The following HBP1 variants were observed in gnomAD, a reference collection of about 807,000 sequenced individuals.
HBP1 encodes HMG-box transcription factor 1, also known as HMG box-containing protein 1.
Under a neutral mutation model 62.6 loss-of-function variants are expected in HBP1, and 20 were observed. The observed-to-expected ratio is 0.32, with a 90% CI of 0.22 to 0.46. HBP1 has a LOEUF of 0.46. Among genes scored for constraint, HBP1 ranks in the 20% least tolerant of loss-of-function variants. The pLI is 1.00. For missense variants in HBP1, 480 were observed against 611.8 expected (o/e 0.78, Z 2.27); for synonymous variants, 232 against 206.2 (o/e 1.12, Z -1.07).
intron 1 of HBP1, chr7:107,174,387 G>C (rs999667299): frequency 2.7e-6 from 2 of 754,028 alleles, no homozygotes; most frequent in Non-Finnish European, 3.2e-6. Context: ...GGTTCTTTTG[G>C]TTATTTATAG....
In HBP1 at chr7:107,171,052, T is replaced by TAACATATACATGTATAA. The variant is rs1562881850; in HGVS notation, c.-16+1868_-16+1869insACATATACATGTATAAA. 2.8e-4 allele frequency among the ~76,000 whole-genome samples: 17 copies of TAACATATACATGTATAA among 60,948 alleles called. No homozygotes were observed. In the African/African-American group the frequency reaches 3.0e-3, roughly 11 times the overall value. 40.0% of individuals were successfully genotyped at this position (60,948 alleles called of 152,430 possible). On this transcript the variant is annotated intron_variant, in intron 1 of 10. Transcript: ENST00000222574. ...TATAACATATACATGTATAAATATATATATATATATATATATATATATTTT... is the reference window on the plus strand; with the variant it reads ...TATAACATATACATGTATAAATATATAACATATACATGTATAAATATATATATATATATATATATTTT...
intron 3 of HBP1, among the ~76,000 whole-genome samples, chr7:107,184,640 A>G (rs1244969972): frequency 6.6e-6 from 1 of 152,102 alleles, no homozygotes; most frequent in Non-Finnish European, 1.5e-5. Context: ...CCTCCCGAGT[A>G]GCTGGGACTG....
intron 1 of HBP1, chr7:107,174,669 A>C (rs1796749762): frequency 3.0e-6 from 3 of 984,492 alleles, no homozygotes; most frequent in Admixed American, 1.2e-4. Flanking sequence ...GACCCCAAGA[A>C]CAGCACTGTT....
intron 1 of HBP1, among the ~76,000 whole-genome samples, chr7:107,177,945 G>A (rs1796938518): frequency 6.6e-6 from 1 of 151,816 alleles, no homozygotes; most frequent in Non-Finnish European, 1.5e-5. Flanking sequence ...AAAAGTCTTC[G>A]TAGAAAGAAA....
At chr7:107,179,849 ATCATTTCT>A in intron 1 of HBP1, 22 bp from the exon 2 acceptor site, 1 of 1,489,952 alleles carries the variant, frequency 6.7e-7, no homozygotes, top group Non-Finnish European at 9.3e-7. Context: ...ATGGCTTGAC[ATCATTTCT>A]TAATGTCGTT....
At chr7:107,184,743 C>T (rs1797274678) in intron 3 of HBP1, among the ~76,000 whole-genome samples, 1 of 152,172 alleles carries the variant, frequency 6.6e-6, no homozygotes, top group South Asian at 2.1e-4. Context: ...ATCTCCTGAC[C>T]TCGTGATCCG....
Position 107,169,074 on chromosome 7 carries a change from A to G in HBP1, c.-127A>G, listed in dbSNP as rs1330489123. ...GAGGAGTAAGAGCTGCCGCGGGAGCAGTAACCCGCGCGGGGGAGGCCGACG... is the reference window on the plus strand; with the variant it reads ...GAGGAGTAAGAGCTGCCGCGGGAGCGGTAACCCGCGCGGGGGAGGCCGACG... On this transcript the variant is annotated 5_prime_UTR_variant, in exon 1 of 11. Coordinates refer to ENST00000222574, the MANE Select transcript of HBP1 (RefSeq NM_012257.4). 6 of 1,287,602 alleles carry G rather than the reference A, an allele frequency of 4.7e-6. No individual in the cohort carries two copies. The highest frequency in any genetic ancestry group is 2.3e-5 in the Admixed American group (1 of 43,362). The allele number at this position is 1,287,602 out of a possible 1,614,324, so 79.8% of individuals were successfully genotyped here. A position where few individuals can be genotyped will look rare whatever the true frequency, so the allele number is the denominator to read the frequency against.
In HBP1 at chr7:107,201,603, A is replaced by G; in HGVS notation, c.*172A>G. The G allele has an allele frequency of 2.2e-6, 1 of 451,698 alleles. No homozygotes were observed. Among genetic ancestry groups the G allele is most frequent in the Non-Finnish European group, 4.0e-6 (1 of 247,160 alleles). 28.0% of individuals were successfully genotyped at this position (451,698 alleles called of 1,614,324 possible). ...ATATGAGTGAGGATTTGCTTTCTCCATTAGAGCATTAAGCTAAAACTATCA... is the reference window on the plus strand; with the variant it reads ...ATATGAGTGAGGATTTGCTTTCTCCGTTAGAGCATTAAGCTAAAACTATCA... On this transcript the variant is annotated 3_prime_UTR_variant, in exon 11 of 11. Transcript: ENST00000222574.
chr7:107,169,531 C>T (rs1314507251), intron 1 of HBP1, among the ~76,000 whole-genome samples: 10 of 135,340 alleles, frequency 7.4e-5, no homozygotes, highest in Admixed American at 4.8e-4. Flanking sequence ...GACGCAGCGC[C>T]GGGGCTGCCC....
chr7:107,197,722 AT>A (rs1797992327), intron 9 of HBP1, among the ~76,000 whole-genome samples: 2 of 152,166 alleles, frequency 1.3e-5, no homozygotes, highest in African/African-American at 4.8e-5. Flanking sequence ...TCTGTCAGTC[AT>A]TTGTGTGACT....
intron 1 of HBP1, among the ~76,000 whole-genome samples, chr7:107,171,574 A>G (rs1796597989): frequency 6.6e-6 from 1 of 152,022 alleles, no homozygotes; most frequent in Non-Finnish European, 1.5e-5. Context: ...TATCCATTAG[A>G]AGTTACTACT....
intron 1 of HBP1, among the ~76,000 whole-genome samples, chr7:107,178,962 AG>A (rs1238774848): frequency 2.0e-5 from 3 of 152,202 alleles, no homozygotes; most frequent in Non-Finnish European, 2.9e-5. Flanking sequence ...TGAACCCAGG[AG>A]GCAGAGGTTG....
At chr7:107,198,306 T>C (rs138785079) in intron 9 of HBP1, among the ~76,000 whole-genome samples, 10 of 151,988 alleles carry the variant, frequency 6.6e-5, no homozygotes, top group Admixed American at 2.0e-4. Flanking sequence ...GCCTCCTAGG[T>C]TGAAGTGATT....
At chr7:107,171,088 T>TTTTTTA (rs1796568505) in intron 1 of HBP1, among the ~76,000 whole-genome samples, 2 of 134,222 alleles carry the variant, frequency 1.5e-5, no homozygotes, top group African/African-American at 5.7e-5. Flanking sequence ...TTTTTTTTTT[T>TTTTTTA]GAGAGGGAGT....
At chr7:107,188,248 T>C (rs1797482663) in intron 6 of HBP1, among the ~76,000 whole-genome samples, 1 of 152,206 alleles carries the variant, frequency 6.6e-6, no homozygotes, top group African/African-American at 2.4e-5. Flanking sequence ...TTCTTTGAAC[T>C]AAGCTTAGTG....
intron 1 of HBP1, among the ~76,000 whole-genome samples, chr7:107,176,213 A>T (rs1796843845): frequency 6.6e-6 from 1 of 151,150 alleles, no homozygotes; most frequent in Non-Finnish European, 1.5e-5. Context: ...TTTAGTAGAG[A>T]CTGAGTTTCA....
chr7:107,201,145 T>TA (rs1456819467), intron 10 of HBP1: 3 of 328,280 alleles, frequency 9.1e-6, no homozygotes, highest in Non-Finnish European at 1.1e-5. Flanking sequence ...CTGAACTGAA[T>TA]TTTGGCAGTT....
At chr7:107,173,694 T>C (rs1796710831) in intron 1 of HBP1, 1 of 152,234 alleles carries the variant, frequency 6.6e-6, no homozygotes, top group South Asian at 2.1e-4. Context: ...TATTTGCTTC[T>C]GGAAGTTTGC....
Position 107,190,216 on chromosome 7 carries a change from C to T in HBP1, c.966C>T (p.Gly322=), listed in dbSNP as rs1797585610. ...FYPSLTVVQH[G]IPCCEVHIGD... The stretch of plus-strand genomic sequence containing the variant: ...CAAGCTTGACTGTGGTACAGCATGG[C>T]ATTCCATGTTGTGAAGTTCATATTG... The change falls in exon 8 of 11, where the codon GGC becomes GGT. Residue 322 remains glycine, a synonymous_variant. Coordinates refer to ENST00000222574, the MANE Select transcript of HBP1 (RefSeq NM_012257.4). 1 of 1,607,958 alleles carries T rather than the reference C, an allele frequency of 6.2e-7. No homozygotes were observed. Among genetic ancestry groups the T allele is most frequent in the African/African-American group, 1.3e-5 (1 of 74,758 alleles).
Sources: gnomAD v4.1 joint callset for allele counts (sites outside exome capture counted in the v4.1 genomes callset) on GRCh38, gnomAD v4.1.1 for gene constraint, MANE v1.5 for transcripts, NCBI Gene and HGNC (gene_info 2026-07-23, HGNC 2026-07-21) for gene names.